ERLEC1: variants seen among roughly 807,000 people sequenced by gnomAD.
The protein encoded by ERLEC1 is endoplasmic reticulum lectin 1.
Under a neutral mutation model 68.0 loss-of-function variants are expected in ERLEC1, and 47 were observed. That is an observed-to-expected ratio of 0.69 (90% CI 0.55 to 0.88). The LOEUF is 0.88. Among genes scored for constraint, ERLEC1 ranks in the 40% least tolerant of loss-of-function variants. The pLI, the probability that ERLEC1 is intolerant of heterozygous loss-of-function variation, is 0.00. For missense variants in ERLEC1, 567 were observed against 583.8 expected (o/e 0.97, Z 0.30); for synonymous variants, 225 against 203.2 (o/e 1.11, Z -0.91).
At chr2:53,816,669 C>G (rs1329791770) in intron 13 of ERLEC1, among the ~76,000 whole-genome samples, 3 of 151,970 alleles carry the variant, frequency 2.0e-5, no homozygotes, top group African/African-American at 7.2e-5. Flanking sequence ...TTTTTGTGTT[C>G]TAAGAAATTT....
intron 1 of ERLEC1, among the ~76,000 whole-genome samples, chr2:53,791,946 C>T (rs1439027693): frequency 7.1e-6 from 1 of 141,826 alleles, no homozygotes; most frequent in African/African-American, 2.6e-5. Context: ...GAGCCTCGCT[C>T]TTTCGCCCAG....
chr2:53,817,100 A>T (rs774855348), intron 13 of ERLEC1, among the ~76,000 whole-genome samples: 6 of 150,170 alleles, frequency 4.0e-5, no homozygotes, highest in Non-Finnish European at 7.4e-5. Flanking sequence ...TAACATTTCC[A>T]CTTGGTTCTT....
At chr2:53,793,025 T>C (rs1675495085) in intron 1 of ERLEC1, among the ~76,000 whole-genome samples, 1 of 151,644 alleles carries the variant, frequency 6.6e-6, no homozygotes, top group South Asian at 2.1e-4. Flanking sequence ...AAAAAAGTTA[T>C]TGTTAAATTG....
intron 13 of ERLEC1, among the ~76,000 whole-genome samples, chr2:53,816,616 A>G (rs1195673889): frequency 6.6e-6 from 1 of 152,116 alleles, no homozygotes; most frequent in Non-Finnish European, 1.5e-5. Context: ...TTTTTATTTC[A>G]TGAAATTCAA....
At chr2:53,788,060 T>G (rs975692928) in intron 1 of ERLEC1, among the ~76,000 whole-genome samples, 2 of 152,172 alleles carry the variant, frequency 1.3e-5, no homozygotes, top group Non-Finnish European at 2.9e-5. Flanking sequence ...AATTCCCTCT[T>G]GGGGGAGTGG....
chr2:53,808,807 A>C (rs761866633), intron 9 of ERLEC1, among the ~76,000 whole-genome samples: 6 of 152,144 alleles, frequency 3.9e-5, no homozygotes, highest in Non-Finnish European at 8.8e-5. Flanking sequence ...TTTAAAAAAA[A>C]AGTTAGAGAC....
At chr2:53,814,957 C>T (rs748438263) in intron 13 of ERLEC1, 22 bp downstream of exon 13, 1 of 1,003,286 alleles carries the variant, frequency 1.0e-6, no homozygotes, top group Non-Finnish European at 1.5e-6. Context: ...AGAAAATAAT[C>T]AAAAATTCCA....
intron 8 of ERLEC1, among the ~76,000 whole-genome samples, chr2:53,806,308 A>T (rs1210634713): frequency 6.6e-6 from 1 of 152,176 alleles, no homozygotes; most frequent in Non-Finnish European, 1.5e-5. Context: ...TGTCCAGAAG[A>T]AGTAGTAATA....
chr2:53,808,022 C>T (rs952264232), intron 8 of ERLEC1, among the ~76,000 whole-genome samples: 1 of 145,612 alleles, frequency 6.9e-6, no homozygotes, highest in Non-Finnish European at 1.5e-5. Context: ...AAGACTCCAT[C>T]TCAAAAAAAA....
chr2:53,808,421 C>T lies in ERLEC1; in HGVS notation c.1002C>T (p.Leu334=), dbSNP rs1486341394. The T allele has an allele frequency of 2.5e-6, 4 of 1,613,972 alleles. No homozygotes were observed. The highest frequency in any genetic ancestry group is 3.4e-6 in the Non-Finnish European group (4 of 1,180,028). ...TATCCAAATTGACAGATGACCAACT[C>T]ATAAAAGAGTTTCTTAGTGGTTCTT... is the stretch of plus-strand genomic sequence containing the variant. ...THISKLTDDQ[L]IKEFLSGSYC... is the part of the protein sequence containing the mutation. The change falls in exon 9 of 14, where the codon CTC becomes CTT. Residue 334 remains leucine (L), a synonymous_variant. Transcript: ENST00000185150.
At chr2:53,816,494 C>T (rs927944443) in intron 13 of ERLEC1, among the ~76,000 whole-genome samples, 2 of 152,028 alleles carry the variant, frequency 1.3e-5, no homozygotes, top group African/African-American at 4.8e-5. Context: ...GTCTCGAACT[C>T]CTGACCTCAA....
chr2:53,803,277 G>C (rs1306749613), intron 8 of ERLEC1, among the ~76,000 whole-genome samples: 1 of 152,156 alleles, frequency 6.6e-6, no homozygotes, highest in African/African-American at 2.4e-5. Flanking sequence ...TCTGATAGGA[G>C]GAAAATGTGA....
chr2:53,797,440 C>A, intron 3 of ERLEC1, 75 bp from the exon 4 acceptor site: 1 of 1,078,514 alleles, frequency 9.3e-7, no homozygotes, highest in Non-Finnish European at 1.4e-6. Context: ...GAAGTCTCAG[C>A]TGCTTCAAAT....
At chr2:53,795,472 C>G (rs1215229992) in intron 2 of ERLEC1, among the ~76,000 whole-genome samples, 1 of 152,072 alleles carries the variant, frequency 6.6e-6, no homozygotes, top group Non-Finnish European at 1.5e-5. Context: ...ACACGGCATT[C>G]AAATCTGAAA....
At chr2:53,815,632 CT>C (rs1676836265) in intron 13 of ERLEC1, among the ~76,000 whole-genome samples, 1 of 152,068 alleles carries the variant, frequency 6.6e-6, no homozygotes, top group Non-Finnish European at 1.5e-5. Context: ...AGTTTTGTCT[CT>C]TTTTTGGATT....
At chr2:53,816,265 GTTTTTTTT>G (rs57918616) in intron 13 of ERLEC1, among the ~76,000 whole-genome samples, 1 of 121,832 alleles carries the variant, frequency 8.2e-6, no homozygotes, top group Non-Finnish European at 1.7e-5. Context: ...GTTTTGGTTG[GTTTTTTTT>G]TTTTTTTTTT....
intron 1 of ERLEC1, among the ~76,000 whole-genome samples, chr2:53,787,958 T>C (rs1675158295): frequency 6.6e-6 from 1 of 152,214 alleles, no homozygotes. Flanking sequence ...ACAGTTTTCA[T>C]GTATTACGAC....
At position 53,797,592 on chromosome 2, in the gene ERLEC1, G is replaced by C. The variant is rs753421388; in HGVS notation, c.426G>C (p.Gln142His). The change falls in exon 4 of 14, where the codon CAG becomes CAC. Residue 142 changes from glutamine (Q) to histidine (H), a missense_variant and splice_region_variant. Gln to His is a conservative substitution (Grantham distance 24). Transcript: ENST00000185150. ...ACCATGAAGAGAAAGAAACTGGTCA[G>C]GTGTGTTTTTCTTCAAAATATTATT... ...RQYHEEKETG[Q>H]KINIHEYYLG... The C allele has an allele frequency of 1.2e-6, 2 of 1,608,638 alleles. No homozygotes were observed. The highest frequency in any genetic ancestry group is 1.7e-6 in the Non-Finnish European group (2 of 1,178,090).
At chr2:53,799,497 T>C (rs1675893375) in intron 6 of ERLEC1, among the ~76,000 whole-genome samples, 1 of 152,150 alleles carries the variant, frequency 6.6e-6, no homozygotes, top group South Asian at 2.1e-4. Flanking sequence ...CAGTCTTTTA[T>C]CTCTTTACCC....
Sources: allele counts gnomAD v4.1 joint callset (sites outside exome capture counted in the v4.1 genomes callset), GRCh38; gene constraint gnomAD v4.1.1; transcripts MANE v1.5; gene names NCBI Gene and HGNC (gene_info 2026-07-23, HGNC 2026-07-21).